Variants in ANO6 observed in about 807,000 individuals in gnomAD.
ANO6 encodes the protein anoctamin 6.
Under a neutral mutation model 117.5 loss-of-function variants are expected in ANO6, and 106 were observed. That is an observed-to-expected ratio of 0.90 (90% confidence interval 0.77 to 1.06). The LOEUF (loss-of-function observed/expected upper bound fraction) is 1.06. Ranked by LOEUF, ANO6 falls within the 50% of genes least tolerant of loss-of-function variation. ANO6 has a pLI of 0.00. For synonymous variants in ANO6, 367 were observed against 385.1 expected, an observed-to-expected ratio of 0.95 and a Z score of 0.55; for missense variants, 955 against 1,121.1, an observed-to-expected ratio of 0.85 and a Z score of 2.12.
intron 1 of ANO6, among the ~76,000 whole-genome samples, chr12:45,243,724 G>GT (rs1405833026): frequency 2.6e-5 from 4 of 151,856 alleles, no homozygotes; most frequent in Admixed American, 6.6e-5. Context: ...TAATTTTTGT[G>GT]TTTTTTGTAG....
chr12:45,377,177 A>C (rs1031078253), intron 9 of ANO6, among the ~76,000 whole-genome samples: 1 of 151,080 alleles, frequency 6.6e-6, no homozygotes, highest in Admixed American at 6.6e-5. Context: ...TTTTCTACCC[A>C]GTCCCTGTCC....
chr12:45,296,945 T>C (rs1470337756), intron 1 of ANO6, among the ~76,000 whole-genome samples: 1 of 152,230 alleles, frequency 6.6e-6, no homozygotes, highest in South Asian at 2.1e-4. Context: ...TATAGTGCTT[T>C]ATTTTTTTTT....
intron 2 of ANO6, among the ~76,000 whole-genome samples, chr12:45,305,854 G>T (rs942520595): frequency 1.9e-4 from 29 of 152,186 alleles, no homozygotes; most frequent in Middle Eastern, 3.4e-3. Context: ...AGATCTAAGG[G>T]GCAGTCATGG....
intron 9 of ANO6, among the ~76,000 whole-genome samples, chr12:45,370,949 C>T (rs187011926): frequency 9.2e-5 from 14 of 152,296 alleles, no homozygotes; most frequent in Middle Eastern, 3.4e-3. Context: ...TCTGAGGTAC[C>T]GGGCTCATCT....
chr12:45,439,007 G>C (rs1943739854), intron 19 of ANO6, among the ~76,000 whole-genome samples: 1 of 152,222 alleles, frequency 6.6e-6, no homozygotes, highest in South Asian at 2.1e-4. Context: ...GATGTAGGAA[G>C]TATATCCAGG....
At chr12:45,261,655 G>A (rs184342339) in intron 1 of ANO6, among the ~76,000 whole-genome samples, 1 of 152,242 alleles carries the variant, frequency 6.6e-6, no homozygotes, top group East Asian at 1.9e-4. Context: ...AGTGTTTATT[G>A]AGGCCATTTG....
Position 45,430,600 on chromosome 12 carries a change from T to A in ANO6, c.*1289T>A. On this transcript the variant is annotated 3_prime_UTR_variant, in exon 20 of 20. Transcript: ENST00000320560. ...CAAGTAAAGAGACTCAGATTAGATT[T>A]GATTTTTTAGCCTCCTCTAGAGCCA... is the stretch of plus-strand genomic sequence containing the variant. The A allele has an allele frequency of 1.0e-6, 1 of 985,428 alleles. No individual in the cohort carries two copies. Among genetic ancestry groups the A allele is most frequent in the Non-Finnish European group, 1.2e-6 (1 of 829,930 alleles). The allele number at this position is 985,428 out of a possible 1,614,324, so 61.0% of individuals were successfully genotyped here. A position where few individuals can be genotyped will look rare whatever the true frequency, so the allele number is the denominator to read the frequency against.
intron 1 of ANO6, among the ~76,000 whole-genome samples, chr12:45,256,265 G>T (rs1937824800): frequency 6.6e-6 from 1 of 152,074 alleles, no homozygotes; most frequent in Non-Finnish European, 1.5e-5. Context: ...AGTATTTTTT[G>T]TTCCTGGCCT....
chr12:45,308,055 T>TTTTTTTTTTTG (rs1939731154), intron 2 of ANO6, among the ~76,000 whole-genome samples: 1 of 121,800 alleles, frequency 8.2e-6, no homozygotes, highest in Admixed American at 9.4e-5. Flanking sequence ...GTAATTTTTT[T>TTTTTTTTTTTG]TTTTTTTTTT....
chr12:45,249,739 A>C (rs1285187801), intron 1 of ANO6, among the ~76,000 whole-genome samples: 3 of 152,220 alleles, frequency 2.0e-5, no homozygotes. Context: ...CTGAATCCCC[A>C]AAAATAATTC....
In ANO6 at chr12:45,409,397, G is replaced by A. The variant is rs1943028570; in HGVS notation, c.1921G>A (p.Gly641Arg). The A allele has an allele frequency of 6.2e-7, 1 of 1,613,872 alleles. No homozygotes were observed. The highest frequency in any genetic ancestry group is 1.7e-5 in the Admixed American group (1 of 59,998). Residue 641 changes from glycine (G) to arginine (R), a missense_variant, in exon 16 of 20, where the codon GGA (glycine) becomes AGA (arginine). Physicochemically the swap from Gly to Arg is moderately radical, Grantham distance 125. Coordinates refer to ENST00000320560, the MANE Select transcript of ANO6 (RefSeq NM_001025356.3). ...AATTGGGCGATTTCACAGAGTTTCT[G>A]GATCAGAAAAGATAACCCCACGATG... ...NLIGRFHRVSGSEKITPRWEQ... is the reference protein window; with the variant it reads ...NLIGRFHRVSRSEKITPRWEQ...
At chr12:45,240,586 C>T (rs561763497) in intron 1 of ANO6, among the ~76,000 whole-genome samples, 7 of 151,718 alleles carry the variant, frequency 4.6e-5, no homozygotes, top group Non-Finnish European at 8.8e-5. Context: ...AATTTGATCC[C>T]GTCATTATGA....
chr12:45,407,754 G>A (rs1169436131), intron 15 of ANO6, among the ~76,000 whole-genome samples: 9 of 152,094 alleles, frequency 5.9e-5, no homozygotes, highest in Admixed American at 1.3e-4. Context: ...GTTAGGAAAC[G>A]TGCTACATCC....
At chr12:45,302,383 A>G (rs907504532) in intron 2 of ANO6, among the ~76,000 whole-genome samples, 3 of 152,210 alleles carry the variant, frequency 2.0e-5, no homozygotes, top group Non-Finnish European at 4.4e-5. Flanking sequence ...CTCCTGTTCC[A>G]TTCATTGATA....
chr12:45,391,545 A>G (rs80170484), intron 12 of ANO6, among the ~76,000 whole-genome samples: 3,955 of 152,274 alleles, frequency 0.026, 177 homozygotes, highest in African/African-American at 0.088. Context: ...TTTAAACCAT[A>G]TACTATAATA....
Position 45,429,923 on chromosome 12 carries a change from C to G in ANO6, c.*612C>G. 1.0e-6 allele frequency: 1 copy of G among 989,232 alleles called. No individual in the cohort carries two copies. Among genetic ancestry groups the G allele is most frequent in the Non-Finnish European group, 1.2e-6 (1 of 832,394 alleles). 61.3% of individuals were successfully genotyped at this position (989,232 alleles called of 1,614,324 possible). On this transcript the variant is annotated 3_prime_UTR_variant, in exon 20 of 20. Transcript: ENST00000320560. ...TGTCTTTCCATCTCAAAAAAATACT[C>G]TTAGTAGGTTGGAGTGAAGATAGCA...
chr12:45,417,081 T>TACAA (rs1186106765), intron 17 of ANO6, among the ~76,000 whole-genome samples, 177 bp downstream of exon 17: 4 of 152,234 alleles, frequency 2.6e-5, no homozygotes, highest in Admixed American at 1.3e-4. Flanking sequence ...ATTTTGTATA[T>TACAA]AATTATTTTT....
chr12:45,435,527 A>ACTCC (rs1372887540), downstream of ANO6, among the ~76,000 whole-genome samples: 2 of 152,150 alleles, frequency 1.3e-5, no homozygotes, highest in Non-Finnish European at 2.9e-5. Context: ...AGGCAAATGT[A>ACTCC]CTCCCCTTCC....
At chr12:45,274,142 C>G (rs1037507769) in intron 1 of ANO6, among the ~76,000 whole-genome samples, 2 of 152,190 alleles carry the variant, frequency 1.3e-5, no homozygotes, top group Non-Finnish European at 2.9e-5. Context: ...GCTTAGTGCC[C>G]TGACCCTCTT....
Sources: allele counts gnomAD v4.1 joint callset (sites outside exome capture counted in the v4.1 genomes callset), GRCh38; gene constraint gnomAD v4.1.1; transcripts MANE v1.5; gene names NCBI Gene and HGNC (gene_info 2026-07-23, HGNC 2026-07-21).